The following TSPAN18 variants were observed in gnomAD, a reference collection of about 807,000 sequenced individuals.
TSPAN18 encodes the protein tetraspanin 18.
A neutral mutation model predicts 27.3 loss-of-function variants in TSPAN18; 14 were observed. That is an observed-to-expected ratio of 0.51 (90% CI 0.34 to 0.80). The LOEUF (loss-of-function observed/expected upper bound fraction) is 0.80. Ranked by LOEUF, TSPAN18 falls within the 30% of genes least tolerant of loss-of-function variation. The probability of loss-of-function intolerance (pLI) is 0.01; values close to 1 mark genes in which losing one functional copy is unlikely to be tolerated. For missense variants in TSPAN18, 268 were observed against 323.9 expected, an observed-to-expected ratio of 0.83 and a Z score of 1.32; for synonymous variants, 143 against 136.5, an observed-to-expected ratio of 1.05 and a Z score of -0.33.
intron 2 of TSPAN18, among the ~76,000 whole-genome samples, chr11:44,846,667 G>A (rs1055870023): frequency 6.6e-6 from 1 of 152,094 alleles, no homozygotes. Context: ...CCCTAGCTGA[G>A]AGGAAGTGGA....
At chr11:44,907,945 C>G (rs975614870) in intron 4 of TSPAN18, among the ~76,000 whole-genome samples, 2 of 151,468 alleles carry the variant, frequency 1.3e-5, no homozygotes, top group Admixed American at 6.6e-5. Flanking sequence ...ATCCCAGCTA[C>G]TCGGGAGGCT....
intron 6 of TSPAN18, among the ~76,000 whole-genome samples, chr11:44,918,584 G>A (rs1860001817): frequency 6.6e-6 from 1 of 150,962 alleles, no homozygotes; most frequent in Admixed American, 6.6e-5. Context: ...GGGCAATGGG[G>A]CAGGAGACAC....
intron 2 of TSPAN18, among the ~76,000 whole-genome samples, chr11:44,802,299 C>T (rs928563420): frequency 6.5e-5 from 9 of 138,478 alleles, no homozygotes; most frequent in African/African-American, 1.7e-4. Flanking sequence ...CCCAGAGAAG[C>T]GAAGCACAAA....
intron 2 of TSPAN18, among the ~76,000 whole-genome samples, chr11:44,821,898 G>C (rs1197257981): frequency 1.3e-5 from 2 of 152,234 alleles, no homozygotes; most frequent in Non-Finnish European, 2.9e-5. Flanking sequence ...ATTTGTACAA[G>C]AGCTGAGGTT....
chr11:44,840,227 G>A (rs940355982), intron 2 of TSPAN18, among the ~76,000 whole-genome samples: 2 of 152,190 alleles, frequency 1.3e-5, no homozygotes, highest in South Asian at 2.1e-4. Context: ...ACTGTTTGGC[G>A]AGGGCATGGC....
chr11:44,862,321 G>A (rs531682850), intron 3 of TSPAN18, among the ~76,000 whole-genome samples: 1 of 152,186 alleles, frequency 6.6e-6, no homozygotes, highest in Non-Finnish European at 1.5e-5. Context: ...AAAAAATACC[G>A]AAAACCACAG....
At chr11:44,890,217 C>T (rs145352115) in intron 3 of TSPAN18, among the ~76,000 whole-genome samples, 115 of 152,312 alleles carry the variant, frequency 7.6e-4, no homozygotes, top group African/African-American at 2.5e-3. Flanking sequence ...CAAGGCCAAA[C>T]GAAGTTCTCA....
chr11:44,918,602 C>T (rs1860002602), intron 6 of TSPAN18, among the ~76,000 whole-genome samples: 1 of 151,474 alleles, frequency 6.6e-6, no homozygotes, highest in Admixed American at 6.6e-5. Flanking sequence ...CACAAAATGG[C>T]CCTGGGGTAG....
intron 2 of TSPAN18, among the ~76,000 whole-genome samples, chr11:44,790,798 C>T (rs1254754150): frequency 1.3e-5 from 2 of 152,150 alleles, no homozygotes; most frequent in African/African-American, 4.8e-5. Context: ...AAAAGTGGGG[C>T]TGCTAGTAGC....
At chr11:44,856,350 C>T (rs1171565617) in intron 2 of TSPAN18, among the ~76,000 whole-genome samples, 3 of 152,184 alleles carry the variant, frequency 2.0e-5, no homozygotes, top group Non-Finnish European at 4.4e-5. Flanking sequence ...CCCCAACAGG[C>T]GGGCTTGGCT....
chr11:44,882,718 A>G (rs1858530224), intron 3 of TSPAN18, among the ~76,000 whole-genome samples: 1 of 152,048 alleles, frequency 6.6e-6, no homozygotes, highest in Non-Finnish European at 1.5e-5. Flanking sequence ...ATGGAGAGAG[A>G]CGGAGGGACA....
chr11:44,870,965 G>A (rs547034743), intron 3 of TSPAN18, among the ~76,000 whole-genome samples: 12 of 152,278 alleles, frequency 7.9e-5, no homozygotes, highest in African/African-American at 2.9e-4. Context: ...AGACTGGAGA[G>A]GAGGAAGGAA....
intron 4 of TSPAN18, among the ~76,000 whole-genome samples, chr11:44,906,807 A>C (rs1489652748): frequency 6.6e-6 from 1 of 152,174 alleles, no homozygotes. Context: ...GGGTGATCAG[A>C]GGGCAGCAAG....
chr11:44,908,831 A>AAAAGAAAGAAAGAAAGAAAGAAAG, intron 4 of TSPAN18, among the ~76,000 whole-genome samples: 1 of 96,160 alleles, frequency 1.0e-5, no homozygotes, highest in South Asian at 3.3e-4. Context: ...AAGAAAGAAA[A>AAAAGAAAGAAAGAAAGAAAGAAAG]AGAAAAATGG....
At chr11:44,840,274 G>A (rs1857347358) in intron 2 of TSPAN18, among the ~76,000 whole-genome samples, 1 of 152,192 alleles carries the variant, frequency 6.6e-6, no homozygotes, top group Non-Finnish European at 1.5e-5. Context: ...CAGGGAGTGG[G>A]GGAGGCAGCC....
At chr11:44,730,464 C>A (rs1276454165) in intron 1 of TSPAN18, among the ~76,000 whole-genome samples, 3 of 152,112 alleles carry the variant, frequency 2.0e-5, no homozygotes, top group African/African-American at 7.2e-5. Context: ...GAAACCAGCA[C>A]TCTGGTCCCA....
chr11:44,929,087 C>G lies in TSPAN18; in HGVS notation c.700-44C>G, dbSNP rs768682901. The stretch of plus-strand genomic sequence containing the variant: ...AGTGGGCCAGGCAGCCCACAAAGGG[C>G]CCAGCCTGATAAGCCAGTTCCTGCT... On this transcript the variant is annotated intron_variant, in intron 9 of 9. Coordinates refer to ENST00000520358, the MANE Select transcript of TSPAN18 (RefSeq NM_130783.5). 15 of 1,611,544 alleles carry G rather than the reference C, an allele frequency of 9.3e-6. No individual in the cohort carries two copies. The Admixed American group carries it at 1.2e-4, about 13-fold the overall frequency.
chr11:44,927,349 C>T lies in TSPAN18; in HGVS notation c.699+592C>T, dbSNP rs117436357. ...GATCTCCATCATCTGGGATCTCCGA[C>T]TTGCTGCTCCTGGGGGCTGGACAGA... On this transcript the variant is annotated intron_variant, in intron 9 of 9. Coordinates refer to ENST00000520358, the MANE Select transcript of TSPAN18 (RefSeq NM_130783.5). 2.3e-4 allele frequency among the ~76,000 whole-genome samples: 35 copies of T among 152,358 alleles called. No individual in the cohort carries two copies. The East Asian group carries it at 6.4e-3, about 28-fold the overall frequency.
intron 2 of TSPAN18, among the ~76,000 whole-genome samples, chr11:44,817,020 G>A (rs988663972): frequency 6.6e-6 from 1 of 152,224 alleles, no homozygotes; most frequent in African/African-American, 2.4e-5. Context: ...TGGAGCTAGC[G>A]AGGTGGGGCC....
Sources: allele counts gnomAD v4.1 joint callset (sites outside exome capture counted in the v4.1 genomes callset), GRCh38; gene constraint gnomAD v4.1.1; transcripts MANE v1.5; gene names NCBI Gene and HGNC (gene_info 2026-07-23, HGNC 2026-07-21).